The following CACNA1C variants were observed in gnomAD, a reference collection of about 807,000 sequenced individuals.
CACNA1C encodes calcium voltage-gated channel subunit alpha1 C.
CACNA1C carries 30 observed loss-of-function variants against 229.0 expected under a neutral mutation model. That is an observed-to-expected ratio of 0.13 (90% confidence interval 0.10 to 0.18). The LOEUF is 0.18. CACNA1C is among the 10% of genes least tolerant of loss of function. The pLI is 1.00. For synonymous variants in CACNA1C, 1,114 were observed against 1,132.5 expected, an observed-to-expected ratio of 0.98 and a Z score of 0.33; for missense variants, 1,658 against 2,845.0, an observed-to-expected ratio of 0.58 and a Z score of 9.49.
At chr12:2,142,029 T>A (rs2094266419) in intron 3 of CACNA1C, among the ~76,000 whole-genome samples, 1 of 151,084 alleles carries the variant, frequency 6.6e-6, no homozygotes, top group Non-Finnish European at 1.5e-5. Flanking sequence ...GACAAGACTC[T>A]GTATTGGGGA....
rs553809411 is a variant in CACNA1C, at chr12:2,415,012, G to A, written c.478-33964G>A. On this transcript the variant is annotated intron_variant, in intron 3 of 46. Coordinates refer to ENST00000399655, the MANE Select transcript of CACNA1C (RefSeq NM_000719.7). ...CTCTCTTCCCCAAGGCACCCGACACGGTCTGTGTGTGCCATGGGCTCCTGT... is the reference window on the plus strand; with the variant it reads ...CTCTCTTCCCCAAGGCACCCGACACAGTCTGTGTGTGCCATGGGCTCCTGT... Among the ~76,000 whole-genome samples, 2 of 152,272 alleles carry A rather than the reference G, an allele frequency of 1.3e-5. 1 individual carries two copies.
At chr12:2,610,175 T>TGA (rs1568772558) in intron 27 of CACNA1C, among the ~76,000 whole-genome samples, 1 of 151,972 alleles carries the variant, frequency 6.6e-6, no homozygotes, top group Admixed American at 6.6e-5. Flanking sequence ...AAGTAATCAG[T>TGA]GAGAAGCACA....
At chr12:2,361,182 A>C (rs564201429) in intron 3 of CACNA1C, among the ~76,000 whole-genome samples, 1 of 151,816 alleles carries the variant, frequency 6.6e-6, no homozygotes, top group African/African-American at 2.4e-5. Context: ...AAAAAAAAAA[A>C]GCTCCAATAT....
chr12:2,574,752 C>T (rs1393324647), intron 13 of CACNA1C, among the ~76,000 whole-genome samples: 5 of 152,244 alleles, frequency 3.3e-5, no homozygotes, highest in South Asian at 2.1e-4. Context: ...TTCTCAGGCC[C>T]CCTGGAGCCT....
chr12:2,688,130 G>A (rs775013444), intron 45 of CACNA1C, among the ~76,000 whole-genome samples: 13 of 152,318 alleles, frequency 8.5e-5, no homozygotes, highest in Admixed American at 5.2e-4. Context: ...AACCAAGAGC[G>A]AGAGAATGCA....
At chr12:2,452,647 C>A (rs773559926) in intron 4 of CACNA1C, among the ~76,000 whole-genome samples, 1 of 152,158 alleles carries the variant, frequency 6.6e-6, no homozygotes, top group Non-Finnish European at 1.5e-5. Context: ...ATACACCAGC[C>A]ACTCCTACAC....
At chr12:2,586,229 G>A (rs1383904497) in intron 18 of CACNA1C, among the ~76,000 whole-genome samples, 2 of 152,008 alleles carry the variant, frequency 1.3e-5, no homozygotes, top group African/African-American at 2.4e-5. Flanking sequence ...GTATTAGTAT[G>A]GCATATGTTG....
chr12:2,563,034 C>T (rs2048326636), intron 11 of CACNA1C, among the ~76,000 whole-genome samples: 2 of 152,154 alleles, frequency 1.3e-5, no homozygotes, highest in Admixed American at 6.5e-5. Context: ...ATCTCCACTA[C>T]CCTTTCCAGC....
intron 7 of CACNA1C, among the ~76,000 whole-genome samples, chr12:2,503,153 G>A (rs2099764336): frequency 6.6e-6 from 1 of 152,214 alleles, no homozygotes; most frequent in Non-Finnish European, 1.5e-5. Context: ...AGAATCACCT[G>A]TAGGGCCGTC....
chr12:2,294,943 G>T (rs763934348), intron 3 of CACNA1C, among the ~76,000 whole-genome samples: 1 of 152,178 alleles, frequency 6.6e-6, no homozygotes, highest in African/African-American at 2.4e-5. Flanking sequence ...AATGCTGTGC[G>T]CACAGTTCTG....
Position 2,585,537 on chromosome 12 carries a change from T to A in CACNA1C, c.2460+41T>A. On this transcript the variant is annotated intron_variant, in intron 17 of 46. Transcript: ENST00000399655. The surrounding 1 kb of genome is among the most constrained non-coding windows in gnomAD (Gnocchi z 4.1). The stretch of plus-strand genomic sequence containing the variant: ...CTTCCTGGAGCTGTGAGGCCGGTGC[T>A]GGGGAGGGAGGGCCACAGCCTTCCC... 1 of 1,514,174 alleles carries A rather than the reference T, an allele frequency of 6.6e-7. No individual in the cohort carries two copies. The allele number at this position is 1,514,174 out of a possible 1,614,324, so 93.8% of individuals were successfully genotyped here.
intron 1 of CACNA1C, among the ~76,000 whole-genome samples, chr12:2,095,738 C>T (rs569086286): frequency 2.0e-5 from 3 of 152,090 alleles, no homozygotes; most frequent in Admixed American, 6.5e-5. Flanking sequence ...GGCAAACAGA[C>T]GCCCACAGAA....
intron 1 of CACNA1C, among the ~76,000 whole-genome samples, chr12:2,058,798 T>G (rs1436155406): frequency 1.3e-5 from 2 of 152,186 alleles, no homozygotes; most frequent in African/African-American, 2.4e-5. Flanking sequence ...CTGAACCCAC[T>G]GCAGAAAAAG....
intron 29 of CACNA1C, chr12:2,614,321 G>T (rs151076076): frequency 6.6e-6 from 1 of 152,198 alleles, no homozygotes; most frequent in Admixed American, 6.5e-5. Context: ...TACATCTATG[G>T]TGTAAAGAGA....
intron 11 of CACNA1C, among the ~76,000 whole-genome samples, chr12:2,559,621 T>C (rs775959136): frequency 1.3e-5 from 2 of 152,252 alleles, no homozygotes; most frequent in Non-Finnish European, 2.9e-5. Flanking sequence ...GGCACTATCA[T>C]TGAAACTCAT....
At chr12:2,577,602 T>A (rs2058892154) in intron 13 of CACNA1C, among the ~76,000 whole-genome samples, 1 of 152,188 alleles carries the variant, frequency 6.6e-6, no homozygotes, top group Non-Finnish European at 1.5e-5. Flanking sequence ...CAAAGTGTGT[T>A]CAACTTAAGT....
At chr12:2,335,926 C>G (rs1056132987) in intron 3 of CACNA1C, among the ~76,000 whole-genome samples, 9 of 150,496 alleles carry the variant, frequency 6.0e-5, no homozygotes, top group Non-Finnish European at 2.9e-5. Flanking sequence ...GATCCTAAGG[C>G]TGTTCAAGTA....
At chr12:2,395,410 G>T (rs556644048) in intron 3 of CACNA1C, among the ~76,000 whole-genome samples, 10 of 152,174 alleles carry the variant, frequency 6.6e-5, no homozygotes, top group Non-Finnish European at 1.5e-4. Context: ...GTAAAGATGG[G>T]GTTTTGCCAT....
intron 30 of CACNA1C, chr12:2,641,350 C>G (rs544806751): frequency 5.3e-6 from 1 of 190,202 alleles, no homozygotes; most frequent in South Asian, 1.8e-4. Context: ...CCGGAACTCC[C>G]GGTCAGTAGG....
Sources: gnomAD v4.1 joint callset for allele counts (sites outside exome capture counted in the v4.1 genomes callset) on GRCh38, gnomAD v4.1.1 for gene constraint, Gnocchi (gnomAD v3.1) non-coding constraint, MANE v1.5 for transcripts, NCBI Gene and HGNC (gene_info 2026-07-23, HGNC 2026-07-21) for gene names.